Variants in AGXT observed in about 807,000 individuals in gnomAD.
AGXT encodes the protein L-alanine: glyoxylate aminotransferase 1.
Under a neutral mutation model 46.9 loss-of-function variants are expected in AGXT, and 41 were observed. The observed-to-expected ratio is 0.88, with a 90% CI of 0.68 to 1.14. The LOEUF is 1.14. AGXT is among the 50% of genes most tolerant of loss of function. AGXT has a pLI of 0.00. For missense variants in AGXT, 525 were observed against 522.7 expected (o/e 1.00, Z -0.04); for synonymous variants, 244 against 227.9 (o/e 1.07, Z -0.64).
At chr2:240,876,475 C>T (rs1394953027) in intron 8 of AGXT, among the ~76,000 whole-genome samples, 2 of 152,056 alleles carry the variant, frequency 1.3e-5, no homozygotes, top group Non-Finnish European at 2.9e-5. Flanking sequence ...ACTCTCAGGA[C>T]ACTGCAACAT....
At chr2:240,876,491 C>T (rs1342257595) in intron 8 of AGXT, among the ~76,000 whole-genome samples, 1 of 152,204 alleles carries the variant, frequency 6.6e-6, no homozygotes, top group East Asian at 1.9e-4. Flanking sequence ...AACATCCACA[C>T]TCTCAGGACA....
chr2:240,869,345 A>G lies in AGXT; in HGVS notation c.341A>G (p.Asp114Gly), dbSNP rs1395056195. Reference protein sequence around the residue: ...ANGIWGQRAVDIGERIGARVH... With the variant: ...ANGIWGQRAVGIGERIGARVH... ...GGCATTTGGGGGCAGCGAGCCGTGG[A>G]CATCGGGGAGCGCATAGGTAAGGGA... is the stretch of plus-strand genomic sequence containing the variant. The change falls in exon 2 of 11, where the codon GAC (aspartate) becomes GGC (glycine). Residue 114 changes from aspartate (D) to glycine (G), a missense_variant. Physicochemically the swap from Asp to Gly is moderately conservative, Grantham distance 94. Coordinates refer to ENST00000307503, the MANE Select transcript of AGXT (RefSeq NM_000030.3). 6.2e-7 allele frequency: 1 copy of G among 1,601,386 alleles called. No homozygotes were observed. The highest frequency in any genetic ancestry group is 2.2e-5 in the East Asian group (1 of 44,766).
Position 240,878,868 on chromosome 2 carries a change from C to T in AGXT, c.*47C>T, listed in dbSNP as rs1435625865. The T allele has an allele frequency of 6.6e-7, 1 of 1,514,740 alleles. No homozygotes were observed. The allele number at this position is 1,514,740 out of a possible 1,614,324, so 93.8% of individuals were successfully genotyped here. A position where few individuals can be genotyped will look rare whatever the true frequency, so the allele number is the denominator to read the frequency against. On this transcript the variant is annotated 3_prime_UTR_variant, in exon 11 of 11. Coordinates refer to ENST00000307503, the MANE Select transcript of AGXT (RefSeq NM_000030.3). ...GGCACTGGCACACACCTGTCCCATG[C>T]CCACCCTGAGGGATCAGGAGCAAAC...
At chr2:240,874,182 G>C in intron 6 of AGXT, 120 bp downstream of exon 6, 1 of 993,988 alleles carries the variant, frequency 1.0e-6, no homozygotes, top group Non-Finnish European at 1.5e-6. Flanking sequence ...TCCAGCACCT[G>C]GCGCTCTCCC....
chr2:240,871,733 C>T (rs1014948408), intron 4 of AGXT, among the ~76,000 whole-genome samples: 1 of 152,164 alleles, frequency 6.6e-6, no homozygotes, highest in Non-Finnish European at 1.5e-5. Context: ...ACTTCCATAT[C>T]TTGCCAGGGC....
chr2:240,876,050 A>G (rs767594095), intron 8 of AGXT, 46 bp downstream of exon 8: 9 of 1,601,914 alleles, frequency 5.6e-6, no homozygotes, highest in Non-Finnish European at 7.7e-6. Context: ...CACTGGCTGG[A>G]TTGTCGAGGG....
rs180177265 is a variant in AGXT at position 240,875,205 on chromosome 2, G to C, written c.776+1G>C. 6.2e-7 allele frequency: 1 copy of C among 1,610,362 alleles called. No individual in the cohort carries two copies. The highest frequency in any genetic ancestry group is 8.5e-7 in the Non-Finnish European group (1 of 1,176,626). On this transcript the variant is annotated splice_donor_variant, in intron 7 of 10. Transcript: ENST00000307503. LOFTEE classifies it high-confidence loss of function. ...GGGGCTGTGACGACCAGCCCAGGAT[G>C]TGAGGCCTGGCAGGGATGGGAAGGT...
Position 240,879,044 on chromosome 2 carries a change from C to T in AGXT, c.*223C>T, listed in dbSNP as rs529809968. On this transcript the variant is annotated 3_prime_UTR_variant, in exon 11 of 11. Transcript: ENST00000307503. ...TCCACTTGGGCGCAAAACCCAGTGCCTTCCAAATGAGCTGCAGTCCCCAGG... is the reference window on the plus strand; with the variant it reads ...TCCACTTGGGCGCAAAACCCAGTGCTTTCCAAATGAGCTGCAGTCCCCAGG... 39 of 601,798 alleles carry T rather than the reference C, an allele frequency of 6.5e-5. No homozygotes were observed. In the East Asian group the frequency reaches 9.4e-4, roughly 15 times the overall value. 37.3% of individuals were successfully genotyped at this position (601,798 alleles called of 1,614,324 possible).
At chr2:240,871,300 T>C (rs1455046558) in intron 3 of AGXT, 49 bp from the exon 4 acceptor site, 1 of 1,504,330 alleles carries the variant, frequency 6.6e-7, no homozygotes, top group Admixed American at 2.0e-5. Flanking sequence ...GGGGGTGTTC[T>C]GGCCCCTGCC....
At chr2:240,869,101 A>C in intron 1 of AGXT, 69 bp from the exon 2 acceptor site, 1 of 1,604,650 alleles carries the variant, frequency 6.2e-7, no homozygotes, top group Non-Finnish European at 8.5e-7. Context: ...GGACGAGGGA[A>C]GGGGGTCACT....
intron 10 of AGXT, 119 bp downstream of exon 10, chr2:240,878,269 G>A: frequency 1.4e-6 from 2 of 1,423,888 alleles, no homozygotes; most frequent in East Asian, 2.4e-5. Context: ...GATTGCAGGA[G>A]CGTCCAGAAG....
rs1394750108 is a variant in AGXT, at chr2:240,879,976, T to C, written c.*1155T>C. 1 of 151,742 alleles carries C rather than the reference T, an allele frequency of 6.6e-6. No homozygotes were observed. The highest frequency in any genetic ancestry group is 1.9e-4 in the East Asian group (1 of 5,166). The allele number at this position is 151,742 out of a possible 1,614,324, so 9.4% of individuals were successfully genotyped here. On this transcript the variant is annotated 3_prime_UTR_variant, in exon 11 of 11. Coordinates refer to ENST00000307503, the MANE Select transcript of AGXT (RefSeq NM_000030.3). ...CGTGCGTCGTGGGCGCCGGTGTGTC[T>C]TGTTGCTGAGTGCCGTCCCGTCATA...
Position 240,873,997 on chromosome 2 carries a change from G to T in AGXT, c.615G>T (p.Ser205=), listed in dbSNP as rs767265467. The T allele has an allele frequency of 6.2e-7, 1 of 1,613,630 alleles. No homozygotes were observed. Among genetic ancestry groups the T allele is most frequent in the Admixed American group, 1.7e-5 (1 of 60,020 alleles). ...CTACAGGCATCGACATCCTGTACTC[G>T]GGCTCCCAGAAGGCCCTGAACGCCC... ...MDRQGIDILY[S]GSQKALNAPP... Residue 205 remains serine (S), a synonymous_variant, in exon 6 of 11, where the codon TCG becomes TCT. Coordinates refer to ENST00000307503, the MANE Select transcript of AGXT (RefSeq NM_000030.3).
Position 240,876,474 on chromosome 2 carries a change from A to G in AGXT, c.846+470A>G, listed in dbSNP as rs991208308. 8.5e-5 allele frequency among the ~76,000 whole-genome samples: 13 copies of G among 152,138 alleles called. No homozygotes were observed. The East Asian group carries it at 2.5e-3, about 29-fold the overall frequency. ...CCACTGCAACATCCACACTCTCAGG[A>G]CACTGCAACATCCACACTCTCAGGA... On this transcript the variant is annotated intron_variant, in intron 8 of 10. Transcript: ENST00000307503.
rs180177171 is a variant in AGXT at position 240,868,985 on chromosome 2, CG to C, written c.126del (p.Leu43CysfsTer3). 4 of 1,534,388 alleles carry C rather than the reference CG, an allele frequency of 2.6e-6. No homozygotes were observed. The highest frequency in any genetic ancestry group is 4.8e-5 in the East Asian group (2 of 41,988). On this transcript the variant is annotated frameshift_variant, in exon 1 of 11. Transcript: ENST00000307503. LOFTEE classifies it high-confidence loss of function. ...ACCTGCCTCCTCGCATCATGGCAGC[CG>C]GGGGGCTGCAGATGATCGGGTCCAT... ...SNLPPRIMAA[G>X]GLQMIGSMSK...
intron 3 of AGXT, 66 bp from the exon 4 acceptor site, chr2:240,871,283 G>T: frequency 7.3e-7 from 1 of 1,376,794 alleles, no homozygotes; most frequent in Non-Finnish European, 1.0e-6. Context: ...ACCCATGGGG[G>T]GTTTGTGGGG....
Position 240,873,024 on chromosome 2 carries a change from G to T in AGXT, c.570G>T (p.Gly190=), listed in dbSNP as rs367672388. ...LLVDSVASLG[G]TPLYMDRQGI... is the part of the protein sequence containing the mutation. ...TGGATTCGGTGGCATCCCTGGGCGGGACCCCCCTTTACATGGACCGGCAAG... is the reference window on the plus strand; with the variant it reads ...TGGATTCGGTGGCATCCCTGGGCGGTACCCCCCTTTACATGGACCGGCAAG... The change falls in exon 5 of 11, where the codon GGG becomes GGT. Residue 190 remains glycine (G), a synonymous_variant. Transcript: ENST00000307503. 11 of 1,613,766 alleles carry T rather than the reference G, an allele frequency of 6.8e-6. No individual in the cohort carries two copies. In the African/African-American group the frequency reaches 1.3e-4, roughly 20 times the overall value.
chr2:240,871,463 C>T lies in AGXT; in HGVS notation c.524+14C>T. ...ACTCTGCCACAGGTGAGCCTGGCCCCAGGGCGGTGGACTGGAGCACAGCTC... is the reference window on the plus strand; with the variant it reads ...ACTCTGCCACAGGTGAGCCTGGCCCTAGGGCGGTGGACTGGAGCACAGCTC... On this transcript the variant is annotated intron_variant, in intron 4 of 10. Transcript: ENST00000307503. 1 of 1,565,020 alleles carries T rather than the reference C, an allele frequency of 6.4e-7. No individual in the cohort carries two copies. The highest frequency in any genetic ancestry group is 8.7e-7 in the Non-Finnish European group (1 of 1,154,778).
chr2:240,872,347 G>A (rs1188146116), intron 4 of AGXT, among the ~76,000 whole-genome samples: 6 of 138,630 alleles, frequency 4.3e-5, no homozygotes, highest in South Asian at 2.3e-4. Flanking sequence ...GTGAGAGTTC[G>A]TGAACATGCA....
Sources: allele counts gnomAD v4.1 joint callset (sites outside exome capture counted in the v4.1 genomes callset), GRCh38; gene constraint gnomAD v4.1.1; transcripts MANE v1.5; gene names NCBI Gene and HGNC (gene_info 2026-07-23, HGNC 2026-07-21).